BCAS1: variants seen among roughly 807,000 people sequenced by gnomAD.
The protein encoded by BCAS1 is breast carcinoma-amplified sequence 1.
In BCAS1, 46 loss-of-function variants were observed where a neutral mutation model predicts 65.4. The observed-to-expected ratio is 0.70, with a 90% CI of 0.55 to 0.90. BCAS1 has a LOEUF of 0.90. Ranked by LOEUF, BCAS1 falls within the 40% of genes least tolerant of loss-of-function variation. The pLI is 0.00. For synonymous variants in BCAS1, 298 were observed against 293.5 expected, an observed-to-expected ratio of 1.02 and a Z score of -0.16; for missense variants, 793 against 771.2, an observed-to-expected ratio of 1.03 and a Z score of -0.33.
chr20:53,984,519 G>C (rs1275863021), intron 8 of BCAS1, among the ~76,000 whole-genome samples: 4 of 152,206 alleles, frequency 2.6e-5, no homozygotes, highest in African/African-American at 9.6e-5. Context: ...TGCCAAGTGC[G>C]ATAGATGTTT....
chr20:53,992,536 G>A lies in BCAS1; in HGVS notation c.1038C>T (p.Ala346=). 2 of 1,365,472 alleles carry A rather than the reference G, an allele frequency of 1.5e-6. No homozygotes were observed. Among genetic ancestry groups the A allele is most frequent in the Non-Finnish European group, 2.0e-6 (2 of 1,021,660 alleles). 84.6% of individuals were successfully genotyped at this position (1,365,472 alleles called of 1,614,324 possible). A position where few individuals can be genotyped will look rare whatever the true frequency, so the allele number is the denominator to read the frequency against. The part of the protein sequence containing the change: ...KHLDSPRLGL[A]FRKFFRHKGA... ...CCTTATGCCTAAAGAATTTTCTAAAGGCGAGTCCTAGCCTGGGGCTATCCA... is the reference window on the plus strand; with the variant it reads ...CCTTATGCCTAAAGAATTTTCTAAAAGCGAGTCCTAGCCTGGGGCTATCCA... The change falls in exon 7 of 13, where the codon GCC becomes GCT. Residue 346 remains alanine, a synonymous_variant. Transcript: ENST00000688948.
intron 4 of BCAS1, among the ~76,000 whole-genome samples, chr20:54,006,008 T>G: frequency 6.6e-6 from 1 of 151,886 alleles, no homozygotes; most frequent in East Asian, 1.9e-4. Context: ...ATTTAAGGAG[T>G]AGGTGCCATG....
intron 8 of BCAS1, among the ~76,000 whole-genome samples, chr20:53,983,139 C>A (rs978856768): frequency 7.9e-5 from 12 of 152,150 alleles, no homozygotes; most frequent in Non-Finnish European, 1.6e-4. Context: ...CAAAGAAGAA[C>A]CACTGTATCT....
intron 11 of BCAS1, among the ~76,000 whole-genome samples, chr20:53,955,929 AAGAGT>A (rs1024913612): frequency 6.6e-6 from 1 of 152,248 alleles, no homozygotes; most frequent in African/African-American, 2.4e-5. Context: ...CTTAAATATG[AAGAGT>A]ATAGTAAAAA....
At chr20:53,998,135 G>T (rs1158565695) in intron 4 of BCAS1, among the ~76,000 whole-genome samples, 1 of 152,134 alleles carries the variant, frequency 6.6e-6, no homozygotes, top group African/African-American at 2.4e-5. Context: ...AGTGGGATAT[G>T]GTGGCACTGC....
intron 8 of BCAS1, among the ~76,000 whole-genome samples, chr20:53,976,399 A>C (rs902138595): frequency 6.6e-6 from 1 of 152,080 alleles, no homozygotes; most frequent in Admixed American, 6.5e-5. Flanking sequence ...AACTCTGTCT[A>C]TATCCATTTT....
intron 8 of BCAS1, among the ~76,000 whole-genome samples, chr20:53,984,384 G>T (rs2090559390): frequency 6.6e-6 from 1 of 152,224 alleles, no homozygotes; most frequent in Non-Finnish European, 1.5e-5. Flanking sequence ...GAAGAACCTG[G>T]AAGGAAGGTT....
At chr20:54,068,371 T>C (rs2092470825) in intron 1 of BCAS1, 1 of 154,398 alleles carries the variant, frequency 6.5e-6, no homozygotes, top group Non-Finnish European at 1.5e-5. Context: ...ATTGGAGGCT[T>C]ACTATGTGCC....
intron 12 of BCAS1, among the ~76,000 whole-genome samples, chr20:53,952,414 A>T (rs2089556410): frequency 6.6e-6 from 1 of 152,216 alleles, no homozygotes; most frequent in Admixed American, 6.5e-5. Context: ...GTCTGCCTAA[A>T]ATTGCAAGCA....
intron 1 of BCAS1, among the ~76,000 whole-genome samples, chr20:54,060,916 G>T (rs995711380): frequency 6.6e-6 from 1 of 152,160 alleles, no homozygotes; most frequent in African/African-American, 2.4e-5. Context: ...ACGATTGATA[G>T]CATCTCTCAC....
chr20:54,026,290 G>A (rs1164175939), intron 4 of BCAS1, among the ~76,000 whole-genome samples: 1 of 151,876 alleles, frequency 6.6e-6, no homozygotes, highest in African/African-American at 2.4e-5. Flanking sequence ...TCTCATTTTG[G>A]AACACATTCC....
intron 1 of BCAS1, among the ~76,000 whole-genome samples, chr20:54,064,670 C>T (rs754483041): frequency 6.6e-6 from 1 of 152,238 alleles, no homozygotes; most frequent in East Asian, 1.9e-4. Flanking sequence ...CCTCTCTCCT[C>T]TTGAGAACAA....
At chr20:53,962,245 T>C (rs1376323059) in intron 10 of BCAS1, among the ~76,000 whole-genome samples, 1 of 152,236 alleles carries the variant, frequency 6.6e-6, no homozygotes, top group Non-Finnish European at 1.5e-5. Flanking sequence ...CAACAGATTT[T>C]GTTAGACTTA....
chr20:54,065,754 C>G (rs6123352), intron 1 of BCAS1, among the ~76,000 whole-genome samples: 23,547 of 152,176 alleles, frequency 0.15, 2,147 homozygotes, highest in East Asian at 0.32. Flanking sequence ...TCTGGCTCAC[C>G]CTGGCCATAT....
chr20:53,983,654 T>C (rs1241530114), intron 8 of BCAS1, among the ~76,000 whole-genome samples: 1 of 152,178 alleles, frequency 6.6e-6, no homozygotes. Context: ...CCCTGGGGGC[T>C]CCTACCAATG....
chr20:53,945,018 T>C (rs1181289165), intron 12 of BCAS1, 22 bp from the exon 13 acceptor site: 1 of 1,609,844 alleles, frequency 6.2e-7, no homozygotes, highest in Non-Finnish European at 8.5e-7. Flanking sequence ...CAGAAAGACG[T>C]GGCAGCCTAT....
chr20:54,033,083 A>G (rs1466561316), intron 3 of BCAS1, among the ~76,000 whole-genome samples: 2 of 151,286 alleles, frequency 1.3e-5, no homozygotes, highest in Non-Finnish European at 1.5e-5. Context: ...GGCAGAAATC[A>G]AGAAGTTTTT....
chr20:54,069,382 G>A (rs1052213796), intron 1 of BCAS1, among the ~76,000 whole-genome samples: 6 of 152,202 alleles, frequency 3.9e-5, no homozygotes, highest in Non-Finnish European at 8.8e-5. Flanking sequence ...TTCATCACGG[G>A]TGTCTTGCCA....
At chr20:54,041,525 C>T (rs1464124286) in intron 3 of BCAS1, among the ~76,000 whole-genome samples, 2 of 152,062 alleles carry the variant, frequency 1.3e-5, no homozygotes, top group Non-Finnish European at 2.9e-5. Context: ...TGACACTTGG[C>T]TTTCCCTTGC....
Sources: gnomAD v4.1 joint callset for allele counts (sites outside exome capture counted in the v4.1 genomes callset) on GRCh38, gnomAD v4.1.1 for gene constraint, MANE v1.5 for transcripts, NCBI Gene and HGNC (gene_info 2026-07-23, HGNC 2026-07-21) for gene names.